GRIK2: variants seen among roughly 807,000 people sequenced by gnomAD.
The protein encoded by GRIK2 is glutamate receptor ionotropic, kainate 2.
Under a neutral mutation model 100.3 loss-of-function variants are expected in GRIK2, and 32 were observed. The ratio of observed to expected loss-of-function variants is 0.32; its 90% CI spans 0.24 to 0.43. GRIK2 has a LOEUF of 0.43. GRIK2 is among the 20% of genes least tolerant of loss of function. The pLI, the probability that GRIK2 is intolerant of heterozygous loss-of-function variation, is 1.00. For synonymous variants in GRIK2, 417 were observed against 389.4 expected (o/e 1.07, Z -0.83); for missense variants, 843 against 1,114.9 (o/e 0.76, Z 3.47).
chr6:101,592,603 A>ATATATG lies in GRIK2; in HGVS notation c.116-29341_116-29340insGTATAT, dbSNP rs1554225418. ...ACTAATATCACATATATATATATAT[A>ATATATG]TATATATATATATATATATATTGCT... On this transcript the variant is annotated intron_variant, in intron 2 of 16. Transcript: ENST00000369134. 3.0e-4 allele frequency among the ~76,000 whole-genome samples: 34 copies of ATATATG among 111,482 alleles called. 2 individuals carry two copies. The highest frequency in any genetic ancestry group is 1.4e-3 in the African/African-American group (33 of 23,660). 73.1% of individuals were successfully genotyped at this position (111,482 alleles called of 152,430 possible). A position where few individuals can be genotyped will look rare whatever the true frequency, so the allele number is the denominator to read the frequency against.
chr6:101,676,162 G>T (rs1296799476), intron 4 of GRIK2, among the ~76,000 whole-genome samples: 1 of 152,162 alleles, frequency 6.6e-6, no homozygotes, highest in African/African-American at 2.4e-5. Flanking sequence ...TAAACGCACA[G>T]AACGTGTTAT....
At chr6:101,756,668 C>T (rs1047392804) in intron 7 of GRIK2, among the ~76,000 whole-genome samples, 8 of 152,000 alleles carry the variant, frequency 5.3e-5, no homozygotes, top group African/African-American at 1.5e-4. Flanking sequence ...AACATTCAAG[C>T]GCTCTCTGAA....
intron 11 of GRIK2, among the ~76,000 whole-genome samples, chr6:101,877,194 G>A (rs1205207971): frequency 6.6e-6 from 1 of 151,818 alleles, no homozygotes. Context: ...ACATATATAT[G>A]TAGAGTATAT....
chr6:101,871,842 A>G (rs1214951870), intron 11 of GRIK2, among the ~76,000 whole-genome samples: 1 of 151,652 alleles, frequency 6.6e-6, no homozygotes, highest in African/African-American at 2.4e-5. Context: ...ATGAACATAC[A>G]GGTGAATGTA....
At chr6:101,792,456 T>C (rs1477825521) in intron 7 of GRIK2, among the ~76,000 whole-genome samples, 1 of 151,772 alleles carries the variant, frequency 6.6e-6, no homozygotes, top group Non-Finnish European at 1.5e-5. Context: ...TTATTTCTCC[T>C]TCACTTATGA....
At chr6:101,781,081 TGTTTA>T (rs1290565508) in intron 7 of GRIK2, among the ~76,000 whole-genome samples, 2 of 152,256 alleles carry the variant, frequency 1.3e-5, no homozygotes, top group East Asian at 3.8e-4. Context: ...AATTTGTATT[TGTTTA>T]TTTTGTTTTT....
intron 11 of GRIK2, among the ~76,000 whole-genome samples, chr6:101,864,918 A>G (rs1784957352): frequency 6.6e-6 from 1 of 152,236 alleles, no homozygotes; most frequent in Non-Finnish European, 1.5e-5. Flanking sequence ...AAATAGTAAC[A>G]TTTAAAGTTT....
intron 2 of GRIK2, among the ~76,000 whole-genome samples, chr6:101,608,673 C>T (rs9498644): frequency 0.35 from 52,342 of 151,634 alleles, 9,360 homozygotes; most frequent in African/African-American, 0.43. Flanking sequence ...TTCTCACTAA[C>T]GAATTTTAGA....
At chr6:101,592,972 C>T (rs1454043657) in intron 2 of GRIK2, among the ~76,000 whole-genome samples, 1 of 151,720 alleles carries the variant, frequency 6.6e-6, no homozygotes, top group Non-Finnish European at 1.5e-5. Flanking sequence ...AAACAAATTA[C>T]CAGATTAATG....
Position 101,668,575 on chromosome 6 carries a change from A to G in GRIK2, c.542-8048A>G, listed in dbSNP as rs200468384. Among the ~76,000 whole-genome samples the G allele has an allele frequency of 9.7e-3, 1,480 of 152,276 alleles. 12 individuals carry two copies. The highest frequency in any genetic ancestry group is 0.025 in the African/African-American group (1,038 of 41,560). On this transcript the variant is annotated intron_variant, in intron 4 of 16. Coordinates refer to ENST00000369134, the MANE Select transcript of GRIK2 (RefSeq NM_021956.5). ...ATTATTATCTTTTCTCAACTGAAAA[A>G]AAAAAGATGATGATGAAACATGGAA...
chr6:101,908,334 C>T (rs1788390331), intron 12 of GRIK2, among the ~76,000 whole-genome samples: 2 of 4,756 alleles, frequency 4.2e-4, no homozygotes, highest in Admixed American at 2.2e-3. Flanking sequence ...TTTGCACCAG[C>T]CTAATATTTT....
chr6:101,956,387 A>G (rs939216174), intron 14 of GRIK2, among the ~76,000 whole-genome samples: 1 of 151,966 alleles, frequency 6.6e-6, no homozygotes, highest in Non-Finnish European at 1.5e-5. Context: ...GAGATTTTTA[A>G]ATTTATTTTT....
intron 14 of GRIK2, among the ~76,000 whole-genome samples, chr6:101,944,881 T>C (rs995303569): frequency 6.6e-6 from 1 of 152,076 alleles, no homozygotes; most frequent in Non-Finnish European, 1.5e-5. Flanking sequence ...GTTTTGAGAT[T>C]GATAAATTTA....
chr6:101,937,612 G>T (rs1790696002), intron 14 of GRIK2, among the ~76,000 whole-genome samples: 1 of 152,018 alleles, frequency 6.6e-6, no homozygotes, highest in South Asian at 2.1e-4. Flanking sequence ...AAACTAAAAT[G>T]ACAAATTCCA....
intron 2 of GRIK2, among the ~76,000 whole-genome samples, chr6:101,420,646 G>C (rs1776368620): frequency 6.6e-6 from 1 of 152,104 alleles, no homozygotes; most frequent in African/African-American, 2.4e-5. Flanking sequence ...CAAAGCTTGA[G>C]AACCCCTAAT....
chr6:101,959,180 G>A (rs1344051355), intron 14 of GRIK2, among the ~76,000 whole-genome samples: 2 of 152,058 alleles, frequency 1.3e-5, no homozygotes, highest in Non-Finnish European at 2.9e-5. Flanking sequence ...ATGGCTTCAT[G>A]TGGCAATCAT....
chr6:102,039,029 G>A (rs376340149), intron 15 of GRIK2, among the ~76,000 whole-genome samples: 15 of 151,264 alleles, frequency 9.9e-5, no homozygotes, highest in African/African-American at 3.6e-4. Flanking sequence ...ATTAAAAATT[G>A]TGCATATATC....
chr6:101,612,813 G>A (rs1376057236), intron 2 of GRIK2, among the ~76,000 whole-genome samples: 1 of 151,296 alleles, frequency 6.6e-6, no homozygotes, highest in Non-Finnish European at 1.5e-5. Flanking sequence ...TGTTTGGAAA[G>A]CAATGGAGGC....
At chr6:101,825,384 A>G (rs1252443783) in intron 10 of GRIK2, among the ~76,000 whole-genome samples, 1 of 152,148 alleles carries the variant, frequency 6.6e-6, no homozygotes, top group Non-Finnish European at 1.5e-5. Flanking sequence ...AGACTTCCAC[A>G]AAGCTAGTCA....
Sources: gnomAD v4.1 joint callset for allele counts (sites outside exome capture counted in the v4.1 genomes callset) on GRCh38, gnomAD v4.1.1 for gene constraint, MANE v1.5 for transcripts, NCBI Gene and HGNC (gene_info 2026-07-23, HGNC 2026-07-21) for gene names.